Variants in THAP4 observed in about 807,000 individuals in gnomAD.
The protein encoded by THAP4 is peroxynitrite isomerase THAP4.
In THAP4, 18 loss-of-function variants were observed where a neutral mutation model predicts 48.1. The observed-to-expected ratio is 0.37, with a 90% CI of 0.26 to 0.56. The LOEUF (loss-of-function observed/expected upper bound fraction) is 0.56. Ranked by LOEUF, THAP4 falls within the 20% of genes least tolerant of loss-of-function variation. The pLI is 0.78. For missense variants in THAP4, 656 were observed against 774.9 expected (o/e 0.85, Z 1.82); for synonymous variants, 345 against 324.9 (o/e 1.06, Z -0.66).
intron 2 of THAP4, among the ~76,000 whole-genome samples, chr2:241,615,289 G>A (rs952529300): frequency 3.9e-5 from 6 of 152,024 alleles, no homozygotes; most frequent in South Asian, 2.1e-4. Flanking sequence ...AACTCACCAC[G>A]GGAACACCTA....
At chr2:241,628,868 G>C (rs1369614400) in intron 2 of THAP4, among the ~76,000 whole-genome samples, 1 of 148,166 alleles carries the variant, frequency 6.7e-6, no homozygotes, top group Non-Finnish European at 1.5e-5. Flanking sequence ...GGAGCCCAGG[G>C]GGTCGTGGCC....
chr2:241,621,575 T>C (rs2067429417), intron 2 of THAP4, among the ~76,000 whole-genome samples: 1 of 151,696 alleles, frequency 6.6e-6, no homozygotes, highest in South Asian at 2.1e-4. Context: ...TGAAGATATG[T>C]CAATAGAAAC....
At chr2:241,586,811 A>T (rs2066901394) in intron 5 of THAP4, among the ~76,000 whole-genome samples, 1 of 152,382 alleles carries the variant, frequency 6.6e-6, no homozygotes, top group East Asian at 1.9e-4. Flanking sequence ...TGAAGCTTAG[A>T]GAATAATGGA....
rs547661210 is a variant in THAP4, at chr2:241,589,912, C to T, written c.1615-5187G>A. The stretch of plus-strand genomic sequence containing the variant: ...AGAGCGTTTCAGTGAGGAAAGGAGA[C>T]CGGAAACAAATGAGTTGTGTGCTGT... On this transcript the variant is annotated intron_variant, in intron 5 of 5. Coordinates refer to ENST00000407315, the MANE Select transcript of THAP4 (RefSeq NM_015963.6). Among the ~76,000 whole-genome samples, 53 of 152,172 alleles carry T rather than the reference C, an allele frequency of 3.5e-4. 1 individual carries two copies. Among genetic ancestry groups the T allele is most frequent in the African/African-American group, 1.2e-3 (51 of 41,508 alleles).
chr2:241,603,259 T>TC (rs2067141037), intron 3 of THAP4, among the ~76,000 whole-genome samples, 180 bp from the exon 4 acceptor site: 1 of 151,796 alleles, frequency 6.6e-6, no homozygotes, highest in Non-Finnish European at 1.5e-5. Flanking sequence ...CTGCTGACCC[T>TC]CCACTCCTGA....
Position 241,616,197 on chromosome 2 carries a change from GC to G in THAP4, c.1241-9725del, listed in dbSNP as rs1472575361. Among the ~76,000 whole-genome samples, 1 of 152,248 alleles carries G rather than the reference GC, an allele frequency of 6.6e-6. No individual in the cohort carries two copies. Among genetic ancestry groups the G allele is most frequent in the Non-Finnish European group, 1.5e-5 (1 of 68,038 alleles). On this transcript the variant is annotated intron_variant, in intron 2 of 5. Coordinates refer to ENST00000407315, the MANE Select transcript of THAP4 (RefSeq NM_015963.6). This position sits in a 1 kb window ranked among gnomAD's most constrained non-coding sequence, Gnocchi z 4.6. ...GAACCTTTTACGTAGGAGGGACGTG[GC>G]CCGGGCTTTCTGCCTCGACGACTAG...
chr2:241,637,196 C>G (rs2067686990), upstream of THAP4: 4 of 988,020 alleles, frequency 4.0e-6, no homozygotes, highest in Non-Finnish European at 3.6e-6. Flanking sequence ...GCCCCCGCCC[C>G]AGCCCCCGCC....
At position 241,606,439 on chromosome 2, in the gene THAP4, C is replaced by T; in HGVS notation, c.1275G>A (p.Leu425=). The T allele has an allele frequency of 6.2e-7, 1 of 1,608,532 alleles. No homozygotes were observed. The highest frequency in any genetic ancestry group is 8.5e-7 in the Non-Finnish European group (1 of 1,177,496). ...PPKMNPVVEP[L]SWMLGTWLSD... ...ACAGCCAGGTGCCCAGCATCCAGGA[C>T]AGTGGCTCCACCACTGGGTTCATCT... is the stretch of plus-strand genomic sequence containing the variant. Residue 425 remains leucine, a synonymous_variant, in exon 3 of 6, where the codon CTG becomes CTA. Coordinates refer to ENST00000407315, the MANE Select transcript of THAP4 (RefSeq NM_015963.6).
chr2:241,637,496 A>C (rs1439976093), upstream of THAP4: 2 of 1,445,072 alleles, frequency 1.4e-6, no homozygotes, highest in African/African-American at 3.0e-5. Context: ...CCGTCGTCCC[A>C]CGACACGACC....
chr2:241,596,622 C>T lies in THAP4; in HGVS notation c.1614+5274G>A, dbSNP rs57444363. ...GAGATGGAGACCATCCTGGCTAACA[C>T]GGTGAAACCCCAACTCTACTAAAAA... On this transcript the variant is annotated intron_variant, in intron 5 of 5. Coordinates refer to ENST00000407315, the MANE Select transcript of THAP4 (RefSeq NM_015963.6). Among the ~76,000 whole-genome samples, 5 of 142,458 alleles carry T rather than the reference C, an allele frequency of 3.5e-5. No homozygotes were observed. In the East Asian group the frequency reaches 8.8e-4, roughly 25 times the overall value. 93.5% of individuals were successfully genotyped at this position (142,458 alleles called of 152,430 possible). A position where few individuals can be genotyped will look rare whatever the true frequency, so the allele number is the denominator to read the frequency against.
At chr2:241,625,847 A>G (rs1366987049) in intron 2 of THAP4, among the ~76,000 whole-genome samples, 2 of 151,476 alleles carry the variant, frequency 1.3e-5, no homozygotes, top group Non-Finnish European at 2.9e-5. Flanking sequence ...CTACAGACAA[A>G]TATCTCTCAT....
intron 2 of THAP4, among the ~76,000 whole-genome samples, chr2:241,625,282 C>T (rs1161120862): frequency 6.6e-6 from 1 of 151,900 alleles, no homozygotes; most frequent in Non-Finnish European, 1.5e-5. Context: ...CGAGACCAGC[C>T]TGGGCAACAG....
intron 2 of THAP4, among the ~76,000 whole-genome samples, chr2:241,626,320 A>G (rs1239422908): frequency 6.6e-6 from 1 of 151,898 alleles, no homozygotes; most frequent in African/African-American, 2.4e-5. Context: ...ACATGCCTGT[A>G]ATCCCAGCTA....
chr2:241,600,965 T>C (rs1488025427), intron 5 of THAP4, among the ~76,000 whole-genome samples: 1 of 136,892 alleles, frequency 7.3e-6, no homozygotes, highest in Non-Finnish European at 1.6e-5. Flanking sequence ...AGAAAGCTCC[T>C]ACAAATCTTT....
At chr2:241,591,508 G>C (rs1426347424) in intron 5 of THAP4, among the ~76,000 whole-genome samples, 1 of 152,224 alleles carries the variant, frequency 6.6e-6, no homozygotes. Flanking sequence ...AATGAAGACA[G>C]TGTGGTATTG....
intron 5 of THAP4, among the ~76,000 whole-genome samples, chr2:241,600,103 G>A (rs573966019): frequency 6.6e-6 from 1 of 152,340 alleles, no homozygotes; most frequent in East Asian, 1.9e-4. Context: ...GGCTGAGGCA[G>A]GAGAATCACC....
chr2:241,632,454 A>C (rs1265130512), intron 2 of THAP4, among the ~76,000 whole-genome samples: 2 of 152,134 alleles, frequency 1.3e-5, no homozygotes, highest in Admixed American at 1.3e-4. Context: ...GTTCATGATG[A>C]TTTAACTTCA....
At chr2:241,602,269 C>T (rs2067124212) in intron 4 of THAP4, 1 of 520,938 alleles carries the variant, frequency 1.9e-6, no homozygotes, top group Non-Finnish European at 3.5e-6. Flanking sequence ...ATCAGCCTGG[C>T]AGAACCACCC....
intron 3 of THAP4, among the ~76,000 whole-genome samples, chr2:241,603,996 C>CA (rs1277570450): frequency 6.9e-6 from 1 of 145,294 alleles, no homozygotes; most frequent in Non-Finnish European, 1.5e-5. Flanking sequence ...AAAATAAAAA[C>CA]AAAAAAACCA....
Sources: gnomAD v4.1 joint callset for allele counts (sites outside exome capture counted in the v4.1 genomes callset) on GRCh38, gnomAD v4.1.1 for gene constraint, Gnocchi (gnomAD v3.1) non-coding constraint, MANE v1.5 for transcripts, NCBI Gene and HGNC (gene_info 2026-07-23, HGNC 2026-07-21) for gene names.